The following ZPBP variants were observed in gnomAD, a reference collection of about 807,000 sequenced individuals.
ZPBP encodes zona pellucida binding protein.
ZPBP carries 26 observed loss-of-function variants against 44.8 expected under a neutral mutation model. The observed-to-expected ratio is 0.58, with a 90% CI of 0.43 to 0.81. ZPBP has a LOEUF of 0.81. Ranked by LOEUF, ZPBP falls within the 30% of genes least tolerant of loss-of-function variation. ZPBP has a pLI of 0.00. For synonymous variants in ZPBP, 174 were observed against 153.2 expected, an observed-to-expected ratio of 1.14 and a Z score of -1.00; for missense variants, 409 against 434.0, an observed-to-expected ratio of 0.94 and a Z score of 0.51.
chr7:50,028,447 T>C (rs1799436785), intron 5 of ZPBP, among the ~76,000 whole-genome samples: 1 of 152,094 alleles, frequency 6.6e-6, no homozygotes, highest in South Asian at 2.1e-4. Context: ...ATTGTGCCAC[T>C]TCTACTAAAC....
intron 2 of ZPBP, among the ~76,000 whole-genome samples, chr7:49,886,304 T>A (rs1791901795): frequency 6.6e-6 from 1 of 151,772 alleles, no homozygotes; most frequent in Admixed American, 6.5e-5. Context: ...AGTACATTCC[T>A]ATTTGGAAGC....
At chr7:49,938,426 T>C (rs2128752203) in intron 7 of ZPBP, among the ~76,000 whole-genome samples, 1 of 152,314 alleles carries the variant, frequency 6.6e-6, no homozygotes, top group African/African-American at 2.4e-5. Flanking sequence ...CAAGGTCAGA[T>C]ACCATCTCTG....
chr7:50,055,043 A>C (rs945531795), intron 4 of ZPBP, among the ~76,000 whole-genome samples: 6 of 152,208 alleles, frequency 3.9e-5, no homozygotes, highest in Non-Finnish European at 5.9e-5. Flanking sequence ...AAACTGCTAT[A>C]CAAAAGAATC....
chr7:50,028,955 C>G (rs954047521), intron 5 of ZPBP, among the ~76,000 whole-genome samples: 2 of 152,082 alleles, frequency 1.3e-5, no homozygotes, highest in African/African-American at 4.8e-5. Context: ...CCTATCAAAA[C>G]CCCAATGGTA....
chr7:49,916,440 T>G (rs1016872688), intron 1 of ZPBP: 1 of 152,224 alleles, frequency 6.6e-6, no homozygotes, highest in African/African-American at 2.4e-5. Flanking sequence ...GTGCCATTGC[T>G]GGTAAGGCTT....
At chr7:50,009,938 T>C (rs982839641) in intron 6 of ZPBP, among the ~76,000 whole-genome samples, 7 of 151,880 alleles carry the variant, frequency 4.6e-5, no homozygotes, top group Non-Finnish European at 8.8e-5. Flanking sequence ...TTAAAACACA[T>C]AAAAGATCTG....
At chr7:50,056,150 C>A (rs1800927146) in intron 4 of ZPBP, 1 of 152,168 alleles carries the variant, frequency 6.6e-6, no homozygotes, top group Admixed American at 6.5e-5. Context: ...CAAATTACCA[C>A]AAACCTAATG....
At chr7:50,052,697 C>T (rs1800753624) in intron 4 of ZPBP, among the ~76,000 whole-genome samples, 1 of 152,092 alleles carries the variant, frequency 6.6e-6, no homozygotes, top group Middle Eastern at 3.2e-3. Flanking sequence ...GCAAAGCAAC[C>T]TAGATATCTT....
At chr7:50,030,277 G>A (rs1464715096) in intron 5 of ZPBP, among the ~76,000 whole-genome samples, 2 of 151,964 alleles carry the variant, frequency 1.3e-5, no homozygotes, top group African/African-American at 4.8e-5. Flanking sequence ...GGGAGGGGAG[G>A]GCAGAGGAGA....
downstream of ZPBP, among the ~76,000 whole-genome samples, chr7:49,845,656 C>G (rs1447824767): frequency 6.6e-6 from 1 of 151,256 alleles, no homozygotes; most frequent in East Asian, 1.9e-4. Flanking sequence ...AAAATACCAA[C>G]CTTCGGTGAT....
chr7:50,084,009 C>T (rs1802503931), intron 2 of ZPBP, among the ~76,000 whole-genome samples: 1 of 151,768 alleles, frequency 6.6e-6, no homozygotes, highest in African/African-American at 2.4e-5. Flanking sequence ...GCAAAGTTAA[C>T]AAATTTGACT....
intron 6 of ZPBP, among the ~76,000 whole-genome samples, chr7:49,987,005 A>T (rs956754931): frequency 1.3e-5 from 2 of 152,168 alleles, no homozygotes; most frequent in Non-Finnish European, 2.9e-5. Flanking sequence ...TTAGCCTCCA[A>T]CATTTTACAG....
intron 7 of ZPBP, among the ~76,000 whole-genome samples, chr7:49,960,141 C>T (rs1041308559): frequency 2.6e-5 from 4 of 152,008 alleles, no homozygotes; most frequent in African/African-American, 7.2e-5. Flanking sequence ...ACACAGAGGC[C>T]GGGCGCGGTG....
intron 1 of ZPBP, among the ~76,000 whole-genome samples, chr7:49,931,437 G>A (rs1794438714): frequency 6.6e-6 from 1 of 152,172 alleles, no homozygotes; most frequent in Non-Finnish European, 1.5e-5. Context: ...GGTCTCAAAT[G>A]GAAATGAGGA....
intron 5 of ZPBP, among the ~76,000 whole-genome samples, chr7:50,020,274 AC>A (rs1191619148): frequency 6.6e-6 from 1 of 152,110 alleles, no homozygotes; most frequent in African/African-American, 2.4e-5. Flanking sequence ...GAATCTTTAT[AC>A]AAGTTTAAGG....
chr7:49,986,241 C>T (rs1017951774), intron 6 of ZPBP, among the ~76,000 whole-genome samples: 4 of 152,168 alleles, frequency 2.6e-5, no homozygotes, highest in Non-Finnish European at 5.9e-5. Flanking sequence ...CCCCACCCTC[C>T]GTTGCTCCTG....
At chr7:49,988,125 C>A (rs546122327) in intron 6 of ZPBP, among the ~76,000 whole-genome samples, 56 of 152,202 alleles carry the variant, frequency 3.7e-4, no homozygotes, top group Middle Eastern at 3.4e-3. Flanking sequence ...AAAAGCATAA[C>A]AAAATACTCT....
At chr7:49,854,105 A>G (rs1276206291) in intron 2 of ZPBP, among the ~76,000 whole-genome samples, 1 of 151,986 alleles carries the variant, frequency 6.6e-6, no homozygotes, top group African/African-American at 2.4e-5. Flanking sequence ...TTCTTAATCC[A>G]GTCTATCATT....
downstream of ZPBP, among the ~76,000 whole-genome samples, chr7:49,933,291 TCC>T (rs200047042): frequency 1.9e-4 from 11 of 59,002 alleles, no homozygotes; most frequent in African/African-American, 7.2e-4. Flanking sequence ...AGTGATATTT[TCC>T]CCTGACTTCT....
Sources: gnomAD v4.1 joint callset for allele counts (sites outside exome capture counted in the v4.1 genomes callset) on GRCh38, gnomAD v4.1.1 for gene constraint, MANE v1.5 for transcripts, NCBI Gene and HGNC (gene_info 2026-07-23, HGNC 2026-07-21) for gene names.